The following WIPF1 variants were observed in gnomAD, a reference collection of about 807,000 sequenced individuals.
WIPF1 encodes the protein WAS/WASL-interacting protein family member 1.
WIPF1 carries 13 observed loss-of-function variants against 35.4 expected under a neutral mutation model. That is an observed-to-expected ratio of 0.37 (90% confidence interval 0.24 to 0.58). The LOEUF is 0.58. WIPF1 is among the 20% of genes least tolerant of loss of function. WIPF1 has a pLI of 0.74. For missense variants in WIPF1, 591 were observed against 667.0 expected (o/e 0.89, Z 1.25); for synonymous variants, 267 against 266.3 (o/e 1.00, Z -0.02).
At position 174,594,690 on chromosome 2, in the gene WIPF1, TTCTC is replaced by T. The variant is rs138465593; in HGVS notation, c.-39+2907_-39+2910del. On this transcript the variant is annotated intron_variant, in intron 1 of 7. Transcript: ENST00000679041. ...TGTGCCACTGTTTCTCTCTCTCTCT[TTCTC>T]TCTCTCTCTCTCTCACACACACATA... Among the ~76,000 whole-genome samples the T allele has an allele frequency of 4.4e-4, 35 of 80,028 alleles. 2 individuals are homozygous for T. In the East Asian group the frequency reaches 4.4e-3, roughly 10 times the overall value. The allele number at this position is 80,028 out of a possible 152,430, so 52.5% of individuals were successfully genotyped here.
At position 174,560,893 on chromosome 2, in the gene WIPF1, C is replaced by A. The variant is rs1384957073; in HGVS notation, c.*1654G>T. The A allele has an allele frequency of 6.6e-6, 1 of 152,494 alleles. No individual in the cohort carries two copies. The allele number at this position is 152,494 out of a possible 1,614,324, so 9.4% of individuals were successfully genotyped here. ...TTCAGAATTTTCTTTGGGTTGGTTT[C>A]TTGGTAGCATCTCCCAGTAATACAT... On this transcript the variant is annotated 3_prime_UTR_variant, in exon 8 of 8. Coordinates refer to ENST00000679041, the MANE Select transcript of WIPF1 (RefSeq NM_001375834.1).
intron 1 of WIPF1, among the ~76,000 whole-genome samples, chr2:174,596,988 TAA>T (rs529644947): frequency 1.3e-3 from 193 of 152,336 alleles, no homozygotes; most frequent in Non-Finnish European, 2.2e-3. Context: ...ATATTAAACA[TAA>T]AGTTATAACT....
At chr2:174,637,656 G>A (rs952101546) in intron 1 of WIPF1, among the ~76,000 whole-genome samples, 18 of 152,280 alleles carry the variant, frequency 1.2e-4, no homozygotes, top group East Asian at 5.8e-4. Flanking sequence ...GCATGGTGGC[G>A]GGTGCCTGTA....
chr2:174,562,447 A>C lies in WIPF1; in HGVS notation c.*100T>G. 1.3e-6 allele frequency: 2 copies of C among 1,590,656 alleles called. No individual in the cohort carries two copies. Among genetic ancestry groups the C allele is most frequent in the South Asian group, 1.1e-5 (1 of 87,990 alleles). On this transcript the variant is annotated 3_prime_UTR_variant, in exon 8 of 8. Coordinates refer to ENST00000679041, the MANE Select transcript of WIPF1 (RefSeq NM_001375834.1). ...CCCCCTCCCACCTTTCCTCCTGCCC[A>C]TACATGAGGCACAAGGGAAGAAGCA...
intron 1 of WIPF1, among the ~76,000 whole-genome samples, chr2:174,653,775 A>G (rs1031852329): frequency 6.6e-6 from 1 of 151,336 alleles, no homozygotes; most frequent in Admixed American, 6.6e-5. Context: ...AACAGAGTTC[A>G]CAGTACTTCT....
intron 1 of WIPF1, among the ~76,000 whole-genome samples, chr2:174,603,335 CT>C (rs1344155606): frequency 5.3e-5 from 8 of 152,158 alleles, no homozygotes. Context: ...AATGCAAAGA[CT>C]CTTAAGTGAT....
chr2:174,646,984 G>A (rs956744415), intron 1 of WIPF1, among the ~76,000 whole-genome samples: 1 of 152,178 alleles, frequency 6.6e-6, no homozygotes, highest in Admixed American at 6.5e-5. Flanking sequence ...ACGGAACAGA[G>A]CTGCAGATTA....
intron 5 of WIPF1, among the ~76,000 whole-genome samples, chr2:174,570,273 T>C (rs1684785771): frequency 6.6e-6 from 1 of 152,160 alleles, no homozygotes; most frequent in African/African-American, 2.4e-5. Flanking sequence ...GCAAACAATA[T>C]ATGTAGTGGG....
chr2:174,653,401 T>C (rs1417889232), intron 1 of WIPF1, among the ~76,000 whole-genome samples: 1 of 152,076 alleles, frequency 6.6e-6, no homozygotes, highest in Non-Finnish European at 1.5e-5. Context: ...ATAGTACCTC[T>C]TACCTAGGAA....
Position 174,571,199 on chromosome 2 carries a change from G to T in WIPF1, c.1129+477C>A. ...TTTAAACATTAGTCTTTAATGAATA[G>T]GGAAATGGCCTCAAAGCCTGGCGAA... On this transcript the variant is annotated intron_variant, in intron 5 of 7. Coordinates refer to ENST00000679041, the MANE Select transcript of WIPF1 (RefSeq NM_001375834.1). The surrounding 1 kb of genome is among the most constrained non-coding windows in gnomAD (Gnocchi z 4.6). The T allele has an allele frequency of 4.1e-6, 1 of 241,526 alleles. No homozygotes were observed. Among genetic ancestry groups the T allele is most frequent in the Non-Finnish European group, 8.0e-6 (1 of 124,342 alleles). 15.0% of individuals were successfully genotyped at this position (241,526 alleles called of 1,614,324 possible).
chr2:174,595,319 AAAAAG>A (rs1352652385), intron 1 of WIPF1, among the ~76,000 whole-genome samples: 3 of 148,876 alleles, frequency 2.0e-5, no homozygotes, highest in Non-Finnish European at 4.5e-5. Context: ...AACAGAAAAG[AAAAAG>A]AAAAACAGAA....
intron 4 of WIPF1, 129 bp from the exon 5 acceptor site, chr2:174,572,575 T>G: frequency 1.6e-6 from 2 of 1,281,224 alleles, no homozygotes; most frequent in South Asian, 3.1e-5. Flanking sequence ...AACTATTATT[T>G]ATATAAATTG....
intron 1 of WIPF1, among the ~76,000 whole-genome samples, chr2:174,674,929 C>G (rs1688096801): frequency 6.7e-6 from 1 of 150,214 alleles, no homozygotes; most frequent in African/African-American, 2.5e-5. Context: ...CACACACACA[C>G]ACACACACAC....
upstream of WIPF1, among the ~76,000 whole-genome samples, chr2:174,600,913 T>C (rs12988905): frequency 1.8e-5 from 1 of 56,376 alleles, no homozygotes; most frequent in African/African-American, 6.8e-5. Flanking sequence ...ATAATGTTCC[T>C]TTTTTTTTTT....
intron 1 of WIPF1, among the ~76,000 whole-genome samples, chr2:174,658,750 G>A (rs187477226): frequency 7.2e-4 from 110 of 151,946 alleles, no homozygotes; most frequent in African/African-American, 2.5e-3. Context: ...TGGTCTGGTG[G>A]AGCCCCCCAC....
Position 174,562,557 on chromosome 2 carries a change from A to G in WIPF1, c.1502T>C (p.Ile501Thr). The G allele has an allele frequency of 6.2e-7, 1 of 1,614,208 alleles. No homozygotes were observed. Reference sequence around the variant, plus strand: ...AAGAGCAGGCAAAGATCACCTCGGGATGGGAGGGAGTGGTGGAGCACCCCT... The same window carrying G: ...AAGAGCAGGCAAAGATCACCTCGGGGTGGGAGGGAGTGGTGGAGCACCCCT... ...RERGAPPLPP[I>T]PR The change falls in exon 8 of 8, where the codon ATC (isoleucine) becomes ACC (threonine). Residue 501 changes from isoleucine (I) to threonine (T), a missense_variant. Coordinates refer to ENST00000679041, the MANE Select transcript of WIPF1 (RefSeq NM_001375834.1).
At chr2:174,608,268 T>C (rs1412792282) in intron 1 of WIPF1, among the ~76,000 whole-genome samples, 1 of 152,218 alleles carries the variant, frequency 6.6e-6, no homozygotes. Context: ...CGGCTTCACG[T>C]ACTCATATCC....
intron 2 of WIPF1, among the ~76,000 whole-genome samples, chr2:174,582,639 C>G (rs1685278280): frequency 6.6e-6 from 1 of 152,196 alleles, no homozygotes; most frequent in African/African-American, 2.4e-5. Context: ...TGCAATACAG[C>G]CTCGAACTCT....
chr2:174,594,779 G>A lies in WIPF1; in HGVS notation c.-39+2822C>T, dbSNP rs1258377814. 5.4e-5 allele frequency among the ~76,000 whole-genome samples: 4 copies of A among 74,446 alleles called. No homozygotes were observed. The East Asian group carries it at 9.6e-4, about 18-fold the overall frequency. 48.8% of individuals were successfully genotyped at this position (74,446 alleles called of 152,430 possible). On this transcript the variant is annotated intron_variant, in intron 1 of 7. Transcript: ENST00000679041. Reference sequence around the variant, plus strand: ...TACTGTATTCATTTTATCATTGAAAGTACAGCTTTATGATATAAGCAGAAG... The same window carrying A: ...TACTGTATTCATTTTATCATTGAAAATACAGCTTTATGATATAAGCAGAAG...
Sources: gnomAD v4.1 joint callset for allele counts (sites outside exome capture counted in the v4.1 genomes callset) on GRCh38, gnomAD v4.1.1 for gene constraint, Gnocchi (gnomAD v3.1) non-coding constraint, MANE v1.5 for transcripts, NCBI Gene and HGNC (gene_info 2026-07-23, HGNC 2026-07-21) for gene names.